Variants in ZNRF3 observed in about 807,000 individuals in gnomAD.
The protein encoded by ZNRF3 is E3 ubiquitin-protein ligase ZNRF3.
Under a neutral mutation model 72.5 loss-of-function variants are expected in ZNRF3, and 23 were observed. The ratio of observed to expected loss-of-function variants is 0.32; its 90% CI spans 0.23 to 0.45. ZNRF3 has a LOEUF of 0.45. Among genes scored for constraint, ZNRF3 ranks in the 20% least tolerant of loss-of-function variants. The probability of loss-of-function intolerance (pLI) is 1.00; values close to 1 mark genes in which losing one functional copy is unlikely to be tolerated. For missense variants in ZNRF3, 1,169 were observed against 1,272.1 expected (o/e 0.92, Z 1.23); for synonymous variants, 610 against 545.3 (o/e 1.12, Z -1.65).
At chr22:28,987,240 G>C in intron 2 of ZNRF3, 39 bp downstream of exon 2, 2 of 1,585,318 alleles carry the variant, frequency 1.3e-6, no homozygotes, top group African/African-American at 1.4e-5. Context: ...GTTTCTGGTT[G>C]GTGTTTTCCA....
chr22:29,020,776 G>GGTGTGTGTGTGTGGGT (rs2036522585), intron 2 of ZNRF3, among the ~76,000 whole-genome samples: 1 of 86,040 alleles, frequency 1.2e-5, no homozygotes, highest in South Asian at 4.4e-4. Context: ...TGTGTGTGTG[G>GGTGTGTGTGTGTGGGT]GTGTGTGTGT....
At chr22:28,954,511 C>T (rs914901575) in intron 1 of ZNRF3, among the ~76,000 whole-genome samples, 1 of 152,196 alleles carries the variant, frequency 6.6e-6, no homozygotes, top group Non-Finnish European at 1.5e-5. Flanking sequence ...TGGGGAGACC[C>T]AATTCAGTCC....
At chr22:28,884,239 G>C (rs2033725533) in intron 1 of ZNRF3, among the ~76,000 whole-genome samples, 173 bp downstream of exon 1, 1 of 151,830 alleles carries the variant, frequency 6.6e-6, no homozygotes, top group African/African-American at 2.4e-5. Flanking sequence ...CGCGGCCTCC[G>C]GGGCGCATCC....
At chr22:29,024,782 G>GA (rs917596373) in intron 2 of ZNRF3, among the ~76,000 whole-genome samples, 3 of 151,974 alleles carry the variant, frequency 2.0e-5, no homozygotes, top group Admixed American at 6.6e-5. Context: ...ACCCCTTCCA[G>GA]AAAAAATAAA....
chr22:28,897,088 C>T (rs1207495992), intron 1 of ZNRF3, among the ~76,000 whole-genome samples: 6 of 152,166 alleles, frequency 3.9e-5, no homozygotes, highest in Admixed American at 3.3e-4. Flanking sequence ...TCTCTTTCTT[C>T]CCATCAGTTC....
chr22:28,895,402 G>A (rs1370448149), intron 1 of ZNRF3, among the ~76,000 whole-genome samples: 1 of 152,110 alleles, frequency 6.6e-6, no homozygotes, highest in African/African-American at 2.4e-5. Flanking sequence ...GACTCCGGCC[G>A]GGCACGGTGG....
At chr22:28,904,243 C>G (rs1601541053) in intron 1 of ZNRF3, among the ~76,000 whole-genome samples, 1 of 152,280 alleles carries the variant, frequency 6.6e-6, no homozygotes, top group East Asian at 1.9e-4. Flanking sequence ...TAATACTGTT[C>G]TTTTACGTTG....
intron 1 of ZNRF3, among the ~76,000 whole-genome samples, chr22:28,901,919 AC>A (rs202172444): frequency 0.012 from 1,798 of 148,198 alleles, 47 homozygotes; most frequent in African/African-American, 0.043. Flanking sequence ...CTAATCACCA[AC>A]TTTTAAGTTA....
intron 1 of ZNRF3, among the ~76,000 whole-genome samples, chr22:28,974,916 C>G (rs569361168): frequency 6.6e-6 from 1 of 152,320 alleles, no homozygotes; most frequent in Non-Finnish European, 1.5e-5. Flanking sequence ...AGATTACAGG[C>G]AGATATGATT....
At chr22:28,983,373 C>T (rs994205878) in intron 1 of ZNRF3, among the ~76,000 whole-genome samples, 13 of 152,156 alleles carry the variant, frequency 8.5e-5, no homozygotes, top group African/African-American at 3.1e-4. Flanking sequence ...TTTCTGCATG[C>T]CCGGACACGC....
chr22:28,927,938 T>G (rs1259200589), intron 1 of ZNRF3, among the ~76,000 whole-genome samples: 5 of 152,214 alleles, frequency 3.3e-5, no homozygotes, highest in Admixed American at 3.3e-4. Context: ...GTAGTGGATC[T>G]GCTGACTGTG....
At chr22:29,005,311 G>A (rs926293341) in intron 2 of ZNRF3, among the ~76,000 whole-genome samples, 15 of 152,356 alleles carry the variant, frequency 9.8e-5, no homozygotes, top group African/African-American at 3.6e-4. Flanking sequence ...AGAGCATGTG[G>A]ATGCACACAC....
intron 1 of ZNRF3, chr22:28,986,533 A>G (rs1049808971): frequency 6.0e-6 from 5 of 829,062 alleles, no homozygotes; most frequent in Non-Finnish European, 7.3e-6. Flanking sequence ...AAAGAATTTT[A>G]TCTGTTTCCC....
intron 1 of ZNRF3, among the ~76,000 whole-genome samples, chr22:28,959,123 G>A (rs562504406): frequency 1.2e-4 from 19 of 152,232 alleles, no homozygotes; most frequent in Admixed American, 2.6e-4. Flanking sequence ...CAAAGCTAGA[G>A]CTCAGAAACA....
At chr22:29,052,210 C>T (rs911157744) in intron 8 of ZNRF3, among the ~76,000 whole-genome samples, 1 of 152,188 alleles carries the variant, frequency 6.6e-6, no homozygotes, top group Non-Finnish European at 1.5e-5. Flanking sequence ...TACTTCTCTG[C>T]ACTCCCACTG....
At chr22:28,992,226 A>G (rs1197501551) in intron 2 of ZNRF3, among the ~76,000 whole-genome samples, 1 of 140,652 alleles carries the variant, frequency 7.1e-6, no homozygotes, top group African/African-American at 2.6e-5. Flanking sequence ...CGAAAAAGAA[A>G]TCAGATGCCT....
At chr22:29,042,695 G>A (rs1430916065) in intron 3 of ZNRF3, 126 bp downstream of exon 3, 2 of 858,790 alleles carry the variant, frequency 2.3e-6, no homozygotes, top group East Asian at 2.6e-5. Flanking sequence ...CTGAAGTTAG[G>A]TGTCCATGTT....
chr22:29,005,951 T>C (rs2036236007), intron 2 of ZNRF3, among the ~76,000 whole-genome samples: 2 of 151,818 alleles, frequency 1.3e-5, no homozygotes, highest in South Asian at 2.1e-4. Context: ...GGAGAATCGC[T>C]TGAACCCTGG....
rs1016704455 is a variant in ZNRF3, at chr22:28,883,856, C to T, written c.90C>T (p.Arg30=). The T allele has an allele frequency of 5.4e-5, 54 of 994,560 alleles. No individual in the cohort carries two copies. The African/African-American group carries it at 8.8e-4, about 16-fold the overall frequency. 61.6% of individuals were successfully genotyped at this position (994,560 alleles called of 1,614,324 possible). The change falls in exon 1 of 9, where the codon CGC becomes CGT. Residue 30 remains arginine, a synonymous_variant. Coordinates refer to ENST00000544604, the MANE Select transcript of ZNRF3 (RefSeq NM_001206998.2). This position sits in a 1 kb window ranked among gnomAD's most constrained non-coding sequence, Gnocchi z 5.5. ...GCCCCCGCGGCCTCCGGTGCAGCCGCCTGCCGCCGCCGCCGCCGCTGCCGC... is the reference window on the plus strand; with the variant it reads ...GCCCCCGCGGCCTCCGGTGCAGCCGTCTGCCGCCGCCGCCGCCGCTGCCGC... ...RRRPRGLRCS[R]LPPPPPLPLL... is the part of the protein sequence containing the mutation.
Sources: gnomAD v4.1 joint callset for allele counts (sites outside exome capture counted in the v4.1 genomes callset) on GRCh38, gnomAD v4.1.1 for gene constraint, Gnocchi (gnomAD v3.1) non-coding constraint, MANE v1.5 for transcripts, NCBI Gene and HGNC (gene_info 2026-07-23, HGNC 2026-07-21) for gene names.